The following TEX29 variants were observed in gnomAD, a reference collection of about 807,000 sequenced individuals.
TEX29 encodes the protein testis-expressed protein 29.
TEX29 carries 26 observed loss-of-function variants against 18.2 expected under a neutral mutation model. The observed-to-expected ratio is 1.43, with a 90% CI of 1.04 to 1.98. The LOEUF (loss-of-function observed/expected upper bound fraction) is 1.98. TEX29 is among the 30% of genes most tolerant of loss of function. The pLI, the probability that TEX29 is intolerant of heterozygous loss-of-function variation, is 0.00. For missense variants in TEX29, 177 were observed against 194.2 expected, an observed-to-expected ratio of 0.91 and a Z score of 0.53; for synonymous variants, 83 against 78.5, an observed-to-expected ratio of 1.06 and a Z score of -0.31.
chr13:111,330,209 C>T (rs1886557), intron 3 of TEX29, among the ~76,000 whole-genome samples: 25,618 of 152,194 alleles, frequency 0.17, 3,535 homozygotes, highest in East Asian at 0.74. Flanking sequence ...GACGTAAAGC[C>T]TTAAGCCAGC....
Position 111,320,960 on chromosome 13 carries a change from A to AGGG in TEX29, c.58+14_58+15insGGG. ...GAAGCAATTCACAGGTATGGAGGGA[A>AGGG]GGCGCCAGGGGGGCGGGTGGGGTGG... On this transcript the variant is annotated intron_variant, in intron 2 of 5. Coordinates refer to ENST00000283547, the MANE Select transcript of TEX29 (RefSeq NM_152324.3). 2.1e-6 allele frequency: 1 copy of AGGG among 469,458 alleles called. No individual in the cohort carries two copies. The highest frequency in any genetic ancestry group is 3.2e-6 in the Non-Finnish European group (1 of 310,100). 29.1% of individuals were successfully genotyped at this position (469,458 alleles called of 1,614,324 possible).
chr13:111,334,770 A>G (rs1219612275), intron 3 of TEX29, among the ~76,000 whole-genome samples: 1 of 152,230 alleles, frequency 6.6e-6, no homozygotes, highest in Non-Finnish European at 1.5e-5. Context: ...TTCTCACCGA[A>G]TGAGCTCAGA....
upstream of TEX29, among the ~76,000 whole-genome samples, chr13:111,319,316 C>A (rs2093659753): frequency 6.6e-6 from 1 of 152,192 alleles, no homozygotes; most frequent in African/African-American, 2.4e-5. Flanking sequence ...GTTGGCCCAA[C>A]CCAGTGCCCA....
chr13:111,320,971 GGGCGGGTGGGGTGGGGGAGCAGTT>G (rs1417196052), intron 2 of TEX29, 23 bp downstream of exon 2: 2 of 1,539,320 alleles, frequency 1.3e-6, no homozygotes, highest in Admixed American at 1.8e-5. Context: ...GGCGCCAGGG[GGGCGGGTGGGGTGGGGGAGCAGTT>G]GGGGGGGGGC....
chr13:111,319,994 A>G (rs2093661150), upstream of TEX29, among the ~76,000 whole-genome samples: 2 of 152,120 alleles, frequency 1.3e-5, no homozygotes, highest in South Asian at 4.1e-4. Flanking sequence ...AAAGGCCACC[A>G]TCCTCACCAT....
upstream of TEX29, among the ~76,000 whole-genome samples, chr13:111,316,560 A>C (rs12427765): frequency 6.6e-6 from 1 of 152,204 alleles, no homozygotes; most frequent in Non-Finnish European, 1.5e-5. Context: ...CCAAAGGGCA[A>C]GGGCCAGGGA....
chr13:111,329,360 C>A (rs2243928), intron 3 of TEX29, among the ~76,000 whole-genome samples: 6 of 151,664 alleles, frequency 4.0e-5, no homozygotes, highest in African/African-American at 1.5e-4. Context: ...TCCACCCCCA[C>A]CACCCCAAAG....
At chr13:111,337,718 C>T (rs182698042) in intron 3 of TEX29, among the ~76,000 whole-genome samples, 35 of 152,120 alleles carry the variant, frequency 2.3e-4, no homozygotes, top group Admixed American at 5.2e-4. Flanking sequence ...CAAGTTTCCA[C>T]GGGACAGTCC....
chr13:111,339,507 C>A (rs1386449788), intron 3 of TEX29: 2 of 409,390 alleles, frequency 4.9e-6, no homozygotes, highest in East Asian at 1.2e-4. Flanking sequence ...CTCAATGCAC[C>A]CCCGGGGGTC....
At position 111,320,963 on chromosome 13, in the gene TEX29, C is replaced by T. The variant is rs1555411251; in HGVS notation, c.58+15C>T. 9 of 726,848 alleles carry T rather than the reference C, an allele frequency of 1.2e-5. No individual in the cohort carries two copies. The highest frequency in any genetic ancestry group is 6.2e-5 in the Admixed American group (2 of 32,494). 45.0% of individuals were successfully genotyped at this position (726,848 alleles called of 1,614,324 possible). ...GCAATTCACAGGTATGGAGGGAAGG[C>T]GCCAGGGGGGCGGGTGGGGTGGGGG... On this transcript the variant is annotated intron_variant, in intron 2 of 5. Transcript: ENST00000283547.
At chr13:111,322,503 G>C (rs1567157922) in intron 2 of TEX29, among the ~76,000 whole-genome samples, 1 of 152,214 alleles carries the variant, frequency 6.6e-6, no homozygotes. Flanking sequence ...CCCCGTCTGT[G>C]AGGGGCTGTC....
At chr13:111,338,965 G>T (rs2093693340) in intron 3 of TEX29, among the ~76,000 whole-genome samples, 1 of 152,224 alleles carries the variant, frequency 6.6e-6, no homozygotes. Context: ...AGCCCTCGGT[G>T]CTGGGCGGTG....
chr13:111,324,057 A>G (rs927872587), intron 2 of TEX29, among the ~76,000 whole-genome samples: 2 of 152,216 alleles, frequency 1.3e-5, no homozygotes, highest in African/African-American at 2.4e-5. Context: ...AGGTGGTGTC[A>G]CAGCTCACAG....
At chr13:111,328,364 CCTGT>C (rs908502142) in intron 3 of TEX29, 71 bp downstream of exon 3, 41 of 1,018,114 alleles carry the variant, frequency 4.0e-5, no homozygotes, top group Non-Finnish European at 5.9e-5. Context: ...CACTGCCCTG[CCTGT>C]CTCCCTTCCT....
chr13:111,338,744 T>C (rs951093863), intron 3 of TEX29, among the ~76,000 whole-genome samples: 5 of 152,176 alleles, frequency 3.3e-5, no homozygotes, highest in African/African-American at 9.7e-5. Flanking sequence ...AGAATTACTC[T>C]GTATATGTGA....
At chr13:111,332,014 G>A (rs1159555057) in intron 3 of TEX29, among the ~76,000 whole-genome samples, 1 of 152,088 alleles carries the variant, frequency 6.6e-6, no homozygotes, top group African/African-American at 2.4e-5. Context: ...TCTTTTTCAA[G>A]ATTATTTTGG....
At chr13:111,339,841 T>C (rs1424638485) in intron 3 of TEX29, 22 bp from the exon 4 acceptor site, 3 of 1,613,498 alleles carry the variant, frequency 1.9e-6, no homozygotes, top group Non-Finnish European at 2.5e-6. Flanking sequence ...TCGAAATGAC[T>C]TCAAATCCCA....
At position 111,328,243 on chromosome 13, in the gene TEX29, A is replaced by C; in HGVS notation, c.119A>C (p.Glu40Ala). ...DYNVSRDRCQ[E>A]LGCCFYEGVC... ...AACGTCTCCAGGGACCGATGCCAGG[A>C]GCTCGGGTGCTGCTTCTACGAAGGC... is the stretch of plus-strand genomic sequence containing the variant. The change falls in exon 3 of 6, where the codon GAG (glutamate) becomes GCG (alanine). Residue 40 changes from glutamate (E) to alanine (A), a missense_variant. By Grantham distance (107) the Glu-to-Ala change is moderately radical. Coordinates refer to ENST00000283547, the MANE Select transcript of TEX29 (RefSeq NM_152324.3). The C allele has an allele frequency of 6.2e-6, 10 of 1,614,068 alleles. No homozygotes were observed. The highest frequency in any genetic ancestry group is 8.5e-6 in the Non-Finnish European group (10 of 1,180,030).
intron 2 of TEX29, among the ~76,000 whole-genome samples, chr13:111,321,443 T>G (rs1304785460): frequency 6.6e-6 from 1 of 152,114 alleles, no homozygotes; most frequent in East Asian, 1.9e-4. Context: ...GCCGTTAATG[T>G]GCATAGATGG....
Sources: allele counts gnomAD v4.1 joint callset (sites outside exome capture counted in the v4.1 genomes callset), GRCh38; gene constraint gnomAD v4.1.1; transcripts MANE v1.5; gene names NCBI Gene and HGNC (gene_info 2026-07-23, HGNC 2026-07-21).